The following AGPS variants were observed in gnomAD, a reference collection of about 807,000 sequenced individuals.
AGPS encodes the protein alkylglycerone phosphate synthase.
A neutral mutation model predicts 90.7 loss-of-function variants in AGPS; 26 were observed. The ratio of observed to expected loss-of-function variants is 0.29; its 90% CI spans 0.21 to 0.40. AGPS has a LOEUF of 0.40. Ranked by LOEUF, AGPS falls within the 10% of genes least tolerant of loss-of-function variation. The pLI, the probability that AGPS is intolerant of heterozygous loss-of-function variation, is 1.00. For synonymous variants in AGPS, 294 were observed against 285.3 expected, an observed-to-expected ratio of 1.03 and a Z score of -0.31; for missense variants, 540 against 816.1, an observed-to-expected ratio of 0.66 and a Z score of 4.12.
chr2:177,538,121 G>A lies in AGPS; in HGVS notation c.1903G>A (p.Gly635Ser). The change falls in exon 20 of 20, where the codon GGC becomes AGC. Residue 635 changes from glycine to serine, a missense_variant. Physicochemically the swap from Gly to Ser is moderately conservative, Grantham distance 56 (BLOSUM62 0). Transcript: ENST00000264167. Reference protein sequence around the residue: ...QWLKESISDVGFGMLKSVKEY... With the variant: ...QWLKESISDVSFGMLKSVKEY... ...GCTAAAGGAAAGTATCTCTGATGTCGGCTTTGGGATGCTGAAGTCTGTCAA... is the reference window on the plus strand; with the variant it reads ...GCTAAAGGAAAGTATCTCTGATGTCAGCTTTGGGATGCTGAAGTCTGTCAA... 2 of 1,613,088 alleles carry A rather than the reference G, an allele frequency of 1.2e-6. No individual in the cohort carries two copies. Among genetic ancestry groups the A allele is most frequent in the Non-Finnish European group, 1.7e-6 (2 of 1,179,300 alleles).
chr2:177,410,445 C>T (rs1289945148), intron 1 of AGPS, among the ~76,000 whole-genome samples: 1 of 152,102 alleles, frequency 6.6e-6, no homozygotes, highest in Non-Finnish European at 1.5e-5. Context: ...GGTAAGCATG[C>T]CTAGAGTCTG....
intron 8 of AGPS, among the ~76,000 whole-genome samples, chr2:177,450,614 G>A (rs1321973743): frequency 6.6e-6 from 1 of 151,988 alleles, no homozygotes; most frequent in Non-Finnish European, 1.5e-5. Context: ...ATATATGTCT[G>A]CTTCTAGTTC....
intron 9 of AGPS, among the ~76,000 whole-genome samples, chr2:177,462,511 A>G (rs911478312): frequency 6.6e-6 from 1 of 152,064 alleles, no homozygotes; most frequent in African/African-American, 2.4e-5. Flanking sequence ...TCAAAACACA[A>G]CTGTGGTCAT....
intron 1 of AGPS, among the ~76,000 whole-genome samples, chr2:177,394,583 G>T (rs1202819716): frequency 6.6e-6 from 1 of 152,128 alleles, no homozygotes; most frequent in Non-Finnish European, 1.5e-5. Context: ...TTTGATAAAG[G>T]TCACACTGGG....
At chr2:177,400,094 C>T (rs1685292299) in intron 1 of AGPS, among the ~76,000 whole-genome samples, 1 of 152,062 alleles carries the variant, frequency 6.6e-6, no homozygotes, top group Admixed American at 6.5e-5. Flanking sequence ...GATATTACTG[C>T]ATAGGAAGAG....
At chr2:177,504,665 CAGA>C (rs1559075852) in intron 14 of AGPS, among the ~76,000 whole-genome samples, 1 of 151,934 alleles carries the variant, frequency 6.6e-6, no homozygotes, top group African/African-American at 2.4e-5. Context: ...AACACAACTT[CAGA>C]AGAAGAAAAT....
rs1686637520 is a variant in AGPS, at chr2:177,442,471, G to A, written c.774G>A (p.Leu258=). 13 of 1,610,564 alleles carry A rather than the reference G, an allele frequency of 8.1e-6. No homozygotes were observed. The highest frequency in any genetic ancestry group is 1.3e-5 in the African/African-American group (1 of 74,866). Residue 258 remains leucine, a synonymous_variant, in exon 7 of 20, where the codon TTG becomes TTA. Transcript: ENST00000264167. The part of the protein sequence containing the change: ...PADETRTIIS[L]DTSQMNRILW... ...ATGAGACAAGAACAATTATTTCTTT[G>A]GACACTTCACAAATGGTATTTAATA...
intron 16 of AGPS, among the ~76,000 whole-genome samples, chr2:177,511,617 A>T (rs957738655): frequency 2.0e-5 from 3 of 152,206 alleles, no homozygotes; most frequent in Admixed American, 1.3e-4. Flanking sequence ...GATGTAAAAA[A>T]AGCCCAGGGA....
intron 8 of AGPS, among the ~76,000 whole-genome samples, chr2:177,447,965 T>C (rs1254072065): frequency 6.6e-6 from 1 of 152,198 alleles, no homozygotes; most frequent in Non-Finnish European, 1.5e-5. Context: ...GTTAACATGA[T>C]AAAATTTAAT....
intron 19 of AGPS, among the ~76,000 whole-genome samples, chr2:177,525,667 C>G (rs1251796666): frequency 1.3e-5 from 2 of 152,116 alleles, no homozygotes; most frequent in Non-Finnish European, 2.9e-5. Flanking sequence ...TGAGCTGTTT[C>G]CTTAATTGTG....
At chr2:177,527,621 T>G (rs2079100592) in intron 19 of AGPS, among the ~76,000 whole-genome samples, 1 of 152,192 alleles carries the variant, frequency 6.6e-6, no homozygotes, top group African/African-American at 2.4e-5. Context: ...TCCTAACATG[T>G]CAGCAGTATC....
At chr2:177,496,062 T>A (rs1214285862) in intron 12 of AGPS, among the ~76,000 whole-genome samples, 3 of 152,132 alleles carry the variant, frequency 2.0e-5, no homozygotes. Flanking sequence ...AAAGTCAGTA[T>A]CACTTTTACA....
chr2:177,464,902 TTTCATTTTCTG>T (rs1687403076), intron 9 of AGPS, among the ~76,000 whole-genome samples: 1 of 152,272 alleles, frequency 6.6e-6, no homozygotes, highest in African/African-American at 2.4e-5. Flanking sequence ...GCAGTGAGCA[TTTCATTTTCTG>T]AAGAAAATGC....
At chr2:177,393,485 G>T (rs933147226) in intron 1 of AGPS, 2 of 985,312 alleles carry the variant, frequency 2.0e-6, no homozygotes, top group African/African-American at 1.7e-5. Context: ...AAAGCCTGCT[G>T]TGGGGGAAAC....
At chr2:177,523,353 G>A (rs1689253805) in intron 18 of AGPS, among the ~76,000 whole-genome samples, 1 of 152,058 alleles carries the variant, frequency 6.6e-6, no homozygotes, top group Non-Finnish European at 1.5e-5. Context: ...GAACTTTTCT[G>A]GTACACTTAT....
chr2:177,509,567 G>A (rs1371224182), intron 16 of AGPS, among the ~76,000 whole-genome samples: 1 of 151,698 alleles, frequency 6.6e-6, no homozygotes, highest in Non-Finnish European at 1.5e-5. Context: ...TCGGCATGCT[G>A]AGGCAGGAGA....
At chr2:177,401,587 CA>C (rs1685331562) in intron 1 of AGPS, among the ~76,000 whole-genome samples, 1 of 151,752 alleles carries the variant, frequency 6.6e-6, no homozygotes, top group Admixed American at 6.6e-5. Flanking sequence ...CTCTGTTGCC[CA>C]GGCTGGTGTG....
At chr2:177,484,839 C>T (rs996137802) in intron 11 of AGPS, among the ~76,000 whole-genome samples, 3 of 152,146 alleles carry the variant, frequency 2.0e-5, no homozygotes, top group Non-Finnish European at 2.9e-5. Flanking sequence ...CACAGCTCAA[C>T]GCAGCCTCTC....
At chr2:177,472,042 C>A (rs572667363) in intron 10 of AGPS, among the ~76,000 whole-genome samples, 2 of 151,350 alleles carry the variant, frequency 1.3e-5, no homozygotes, top group Non-Finnish European at 2.9e-5. Context: ...CCCAGTGGAC[C>A]CTTTCTATTT....
Sources: gnomAD v4.1 joint callset for allele counts (sites outside exome capture counted in the v4.1 genomes callset) on GRCh38, gnomAD v4.1.1 for gene constraint, MANE v1.5 for transcripts, NCBI Gene and HGNC (gene_info 2026-07-23, HGNC 2026-07-21) for gene names.